NBEA: variants seen among roughly 807,000 people sequenced by gnomAD.
The protein encoded by NBEA is neurobeachin.
NBEA carries 44 observed loss-of-function variants against 343.4 expected under a neutral mutation model. That is an observed-to-expected ratio of 0.13 (90% confidence interval 0.10 to 0.16). The LOEUF (loss-of-function observed/expected upper bound fraction) is 0.16, where lower values mean the gene tolerates loss of function less well. NBEA is among the 10% of genes least tolerant of loss of function. The pLI, the probability that NBEA is intolerant of heterozygous loss-of-function variation, is 1.00. For synonymous variants in NBEA, 1,175 were observed against 1,238.7 expected, an observed-to-expected ratio of 0.95 and a Z score of 1.08; for missense variants, 2,555 against 3,631.3, an observed-to-expected ratio of 0.70 and a Z score of 7.62.
At chr13:34,993,628 C>T (rs989438007) in intron 1 of NBEA, among the ~76,000 whole-genome samples, 3 of 152,138 alleles carry the variant, frequency 2.0e-5, no homozygotes, top group African/African-American at 7.2e-5. Context: ...AACTAAATAA[C>T]CAAGATAAAT....
intron 35 of NBEA, among the ~76,000 whole-genome samples, chr13:35,302,071 G>C (rs1366961715): frequency 1.3e-5 from 2 of 152,144 alleles, no homozygotes; most frequent in African/African-American, 4.8e-5. Flanking sequence ...TTGGAAGGGT[G>C]GCCCAAACTG....
intron 10 of NBEA, among the ~76,000 whole-genome samples, chr13:35,092,694 T>C (rs1348896149): frequency 3.9e-5 from 6 of 152,064 alleles, no homozygotes; most frequent in Non-Finnish European, 8.8e-5. Context: ...AAATAGCTGT[T>C]GTGCTAAATA....
intron 36 of NBEA, among the ~76,000 whole-genome samples, chr13:35,312,631 A>G (rs1418899097): frequency 1.3e-5 from 2 of 152,220 alleles, no homozygotes; most frequent in East Asian, 3.9e-4. Flanking sequence ...TCTGAGGTTC[A>G]GTAATCTTGT....
At position 35,606,476 on chromosome 13, in the gene NBEA, T is replaced by C; in HGVS notation, c.7347T>C (p.Asn2449=). 6.3e-7 allele frequency: 1 copy of C among 1,595,196 alleles called. No homozygotes were observed. Among genetic ancestry groups the C allele is most frequent in the Non-Finnish European group, 8.6e-7 (1 of 1,168,876 alleles). ...TACCAGAGATGTTTGTCAACAGTAATGGATATAATCTTGGAGTCAGAGAAG... is the reference window on the plus strand; with the variant it reads ...TACCAGAGATGTTTGTCAACAGTAACGGATATAATCTTGGAGTCAGAGAAG... ...YYLPEMFVNS[N]GYNLGVREDE... The change falls in exon 48 of 59, where the codon AAT becomes AAC. Residue 2449 remains asparagine (N), a synonymous_variant. Transcript: ENST00000379939.
At chr13:35,275,739 C>G (rs952541620) in intron 34 of NBEA, among the ~76,000 whole-genome samples, 4 of 152,032 alleles carry the variant, frequency 2.6e-5, no homozygotes, top group Admixed American at 2.0e-4. Context: ...ATGCAGCCAA[C>G]GGACACATGA....
intron 38 of NBEA, among the ~76,000 whole-genome samples, chr13:35,359,306 TTTG>T (rs2040676052): frequency 6.6e-6 from 1 of 152,132 alleles, no homozygotes; most frequent in African/African-American, 2.4e-5. Flanking sequence ...TTCCCCATAT[TTTG>T]TTGTTGTTAT....
At chr13:35,251,607 G>T in intron 34 of NBEA, 1 of 1,215,664 alleles carries the variant, frequency 8.2e-7, no homozygotes, top group East Asian at 5.7e-5. Context: ...AGGTAGCTCA[G>T]CGGGAAGCAG....
intron 38 of NBEA, among the ~76,000 whole-genome samples, chr13:35,425,225 T>C (rs1398793111): frequency 6.6e-6 from 1 of 152,204 alleles, no homozygotes. Context: ...TCTAGTTCTT[T>C]TAATTGTGAT....
intron 1 of NBEA, among the ~76,000 whole-genome samples, chr13:34,993,215 CT>C (rs1200542869): frequency 1.3e-5 from 2 of 152,160 alleles, no homozygotes; most frequent in African/African-American, 4.8e-5. Flanking sequence ...TGGATACTTT[CT>C]TTTCATCCTA....
At chr13:35,011,007 G>T (rs544428734) in intron 1 of NBEA, among the ~76,000 whole-genome samples, 3 of 151,492 alleles carry the variant, frequency 2.0e-5, no homozygotes, top group Non-Finnish European at 4.4e-5. Flanking sequence ...ATGCTGAAGC[G>T]AATGATCTAG....
At position 34,942,809 on chromosome 13, in the gene NBEA, G is replaced by C; in HGVS notation, c.-12G>C. The stretch of plus-strand genomic sequence containing the variant: ...CGCCGCTGCTCTTCCCTTCTCCTCA[G>C]GAGGGGGGCCAATGGCTAGCGAGAA... On this transcript the variant is annotated 5_prime_UTR_variant, in exon 1 of 59. Coordinates refer to ENST00000379939, the MANE Select transcript of NBEA (RefSeq NM_001385012.1). The C allele has an allele frequency of 7.3e-7, 1 of 1,362,514 alleles. No homozygotes were observed. The highest frequency in any genetic ancestry group is 9.4e-7 in the Non-Finnish European group (1 of 1,059,490). 84.4% of individuals were successfully genotyped at this position (1,362,514 alleles called of 1,614,324 possible).
chr13:35,342,142 G>C (rs1218485221), intron 36 of NBEA, among the ~76,000 whole-genome samples: 1 of 151,970 alleles, frequency 6.6e-6, no homozygotes, highest in Non-Finnish European at 1.5e-5. Context: ...GAAATGTCTA[G>C]AATAGGAAAA....
chr13:35,161,678 A>G (rs1227615572), intron 22 of NBEA, 72 bp from the exon 23 acceptor site: 15 of 1,220,360 alleles, frequency 1.2e-5, no homozygotes, highest in East Asian at 2.5e-5. Context: ...TCACTTTACT[A>G]TACTCACAGT....
chr13:35,672,297 A>T lies in NBEA; in HGVS notation c.*1306A>T, dbSNP rs2085644670. 1 of 152,626 alleles carries T rather than the reference A, an allele frequency of 6.6e-6. No individual in the cohort carries two copies. The highest frequency in any genetic ancestry group is 1.5e-5 in the Non-Finnish European group (1 of 68,036). 9.5% of individuals were successfully genotyped at this position (152,626 alleles called of 1,614,324 possible). Reference sequence around the variant, plus strand: ...GGAATGTAATTTTCTCAGAATTTACACTCACTCGCAGTCATTTATTTAAAA... The same window carrying T: ...GGAATGTAATTTTCTCAGAATTTACTCTCACTCGCAGTCATTTATTTAAAA... On this transcript the variant is annotated 3_prime_UTR_variant, in exon 59 of 59. Transcript: ENST00000379939.
At chr13:35,402,736 A>G (rs2043055794) in intron 38 of NBEA, among the ~76,000 whole-genome samples, 1 of 152,096 alleles carries the variant, frequency 6.6e-6, no homozygotes, top group Non-Finnish European at 1.5e-5. Context: ...TTTCTTTGGC[A>G]TGTCTCATAA....
At chr13:35,503,326 A>C (rs1030901157) in intron 41 of NBEA, among the ~76,000 whole-genome samples, 3 of 151,874 alleles carry the variant, frequency 2.0e-5, no homozygotes, top group African/African-American at 7.2e-5. Context: ...ATACATTTTC[A>C]ATGTATCTGT....
At chr13:35,517,198 C>T (rs557670903) in intron 41 of NBEA, among the ~76,000 whole-genome samples, 1 of 152,266 alleles carries the variant, frequency 6.6e-6, no homozygotes, top group East Asian at 1.9e-4. Context: ...CCTCCGCTCC[C>T]CTTCCCTGGC....
intron 25 of NBEA, chr13:35,170,953 A>G: frequency 7.7e-6 from 2 of 259,358 alleles, no homozygotes; most frequent in Non-Finnish European, 1.5e-5. Context: ...AAACTAGTAT[A>G]AGTACATATA....
chr13:35,194,207 C>T (rs542617417), intron 30 of NBEA, among the ~76,000 whole-genome samples: 18 of 151,978 alleles, frequency 1.2e-4, no homozygotes, highest in African/African-American at 4.1e-4. Flanking sequence ...GACAAAATCC[C>T]TTCATATTGT....
Sources: gnomAD v4.1 joint callset for allele counts (sites outside exome capture counted in the v4.1 genomes callset) on GRCh38, gnomAD v4.1.1 for gene constraint, MANE v1.5 for transcripts, NCBI Gene and HGNC (gene_info 2026-07-23, HGNC 2026-07-21) for gene names.